The following BLMH variants were observed in gnomAD, a reference collection of about 807,000 sequenced individuals.
BLMH encodes BLM hydrolase.
BLMH carries 32 observed loss-of-function variants against 61.6 expected under a neutral mutation model. The ratio of observed to expected loss-of-function variants is 0.52; its 90% confidence interval spans 0.39 to 0.70. The LOEUF (loss-of-function observed/expected upper bound fraction) is 0.70. Among genes scored for constraint, BLMH ranks in the 30% least tolerant of loss-of-function variants. BLMH has a pLI of 0.00. For missense variants in BLMH, 460 were observed against 555.5 expected (o/e 0.83, Z 1.73); for synonymous variants, 183 against 193.8 (o/e 0.94, Z 0.46).
intron 10 of BLMH, 47 bp downstream of exon 10, chr17:30,271,224 T>G (rs1201355091): frequency 7.6e-7 from 1 of 1,317,368 alleles, no homozygotes; most frequent in Non-Finnish European, 1.1e-6. Context: ...CAGGAGAATG[T>G]AGATCCATCT....
At chr17:30,276,600 T>C (rs780649213) in intron 6 of BLMH, among the ~76,000 whole-genome samples, 2 of 152,230 alleles carry the variant, frequency 1.3e-5, no homozygotes, top group Non-Finnish European at 2.9e-5. Context: ...ACAGGAGAAT[T>C]TGAAAAGCAC....
intron 7 of BLMH, chr17:30,273,745 A>G (rs1908344049): frequency 2.5e-6 from 1 of 395,254 alleles, no homozygotes; most frequent in Non-Finnish European, 4.5e-6. Context: ...ACACACTTTC[A>G]TTGTTTTGCA....
intron 2 of BLMH, among the ~76,000 whole-genome samples, chr17:30,289,757 C>T (rs1908832218): frequency 6.6e-6 from 1 of 152,160 alleles, no homozygotes; most frequent in Non-Finnish European, 1.5e-5. Context: ...TTGTACTCTA[C>T]TTCAAAATAA....
intron 4 of BLMH, 50 bp from the exon 5 acceptor site, chr17:30,286,952 C>G (rs1908749627): frequency 8.0e-7 from 1 of 1,245,198 alleles, no homozygotes; most frequent in Non-Finnish European, 1.2e-6. Flanking sequence ...ATTAGAAACC[C>G]TGGCAAAAAT....
In BLMH at chr17:30,249,089, C is replaced by G. The variant is rs772711466; in HGVS notation, c.1296G>C (p.Glu432Asp). Residue 432 changes from glutamate (E) to aspartate (D), a missense_variant, in exon 12 of 12, where the codon GAG becomes GAC. By Grantham distance (45) the Glu-to-Asp change is conservative. Coordinates refer to ENST00000261714, the MANE Select transcript of BLMH (RefSeq NM_000386.4). ...GTTCCTGCTCTAACACAGCTAGCAC[C>G]TCTTCAGGGACATGCTTCCTGTCCA... The part of the protein sequence containing the change: ...VVVDRKHVPE[E>D]VLAVLEQEPI... 1.2e-6 allele frequency: 2 copies of G among 1,614,002 alleles called. No homozygotes were observed. The highest frequency in any genetic ancestry group is 2.7e-5 in the African/African-American group (2 of 74,904).
chr17:30,291,925 AC>A lies in BLMH; in HGVS notation c.-107del. ...CTAGGGGGCCCGACCTGTCTCTCGC[AC>A]CCGGAGCGCCGGAAAAAGGAAACCG... On this transcript the variant is annotated 5_prime_UTR_variant, in exon 1 of 12. Transcript: ENST00000261714. 1 of 1,203,378 alleles carries A rather than the reference AC, an allele frequency of 8.3e-7. No individual in the cohort carries two copies. The highest frequency in any genetic ancestry group is 1.1e-6 in the Non-Finnish European group (1 of 946,878). 74.5% of individuals were successfully genotyped at this position (1,203,378 alleles called of 1,614,324 possible).
chr17:30,274,192 G>C lies in BLMH; in HGVS notation c.651C>G (p.Phe217Leu). The stretch of plus-strand genomic sequence containing the variant: ...TACCCAAACAGATGCACACCACTCG[G>C]AATATCTGGAAGAGAGGAGGAGGAA... ...ATQDVMMEEI[F>L]RVVCICLGNP... Residue 217 changes from phenylalanine (F) to leucine (L), a missense_variant, in exon 7 of 12, where the codon TTC becomes TTG. By Grantham distance (22) the Phe-to-Leu change is conservative (BLOSUM62 0). This residue lies in a region of BLMH where 310 missense variants were observed against 371.1 expected (regional missense o/e 0.84). Coordinates refer to ENST00000261714, the MANE Select transcript of BLMH (RefSeq NM_000386.4). The C allele has an allele frequency of 6.2e-7, 1 of 1,613,792 alleles. No homozygotes were observed. Among genetic ancestry groups the C allele is most frequent in the South Asian group, 1.1e-5 (1 of 90,958 alleles).
intron 6 of BLMH, among the ~76,000 whole-genome samples, chr17:30,282,731 T>C (rs899835673): frequency 2.0e-5 from 3 of 152,244 alleles, no homozygotes; most frequent in Admixed American, 1.3e-4. Context: ...GATTAAGCCA[T>C]CATTTTGACT....
intron 10 of BLMH, among the ~76,000 whole-genome samples, chr17:30,268,815 T>C (rs992909318): frequency 2.7e-5 from 4 of 150,792 alleles, no homozygotes; most frequent in East Asian, 2.0e-4. Context: ...AGCAGGTGGA[T>C]TGCTTGAGGT....
chr17:30,286,776 A>C, intron 5 of BLMH, 38 bp downstream of exon 5: 2 of 1,444,268 alleles, frequency 1.4e-6, no homozygotes, highest in Non-Finnish European at 1.9e-6. Context: ...GAAGGAAAGT[A>C]CACTAAACTC....
chr17:30,249,986 A>G (rs1312476996), intron 11 of BLMH: 1 of 152,210 alleles, frequency 6.6e-6, no homozygotes, highest in Non-Finnish European at 1.5e-5. Flanking sequence ...GTTGCCTTCC[A>G]TAAGGAGGAT....
intron 11 of BLMH, among the ~76,000 whole-genome samples, chr17:30,256,787 A>G (rs180751680): frequency 3.3e-5 from 5 of 152,326 alleles, no homozygotes; most frequent in Admixed American, 3.3e-4. Flanking sequence ...AAGACTCTCA[A>G]TGAAAAACTC....
At chr17:30,278,535 CTT>C (rs1199373262) in intron 6 of BLMH, among the ~76,000 whole-genome samples, 2 of 152,118 alleles carry the variant, frequency 1.3e-5, no homozygotes, top group South Asian at 2.1e-4. Flanking sequence ...TTCTTATACA[CTT>C]TGTCTTTCCC....
chr17:30,275,318 C>T (rs1016192713), intron 6 of BLMH, among the ~76,000 whole-genome samples: 2 of 152,140 alleles, frequency 1.3e-5, no homozygotes, highest in Admixed American at 1.3e-4. Flanking sequence ...TTCAAGTTAA[C>T]ATCATTACGA....
At chr17:30,283,109 C>T (rs999128540) in intron 6 of BLMH, among the ~76,000 whole-genome samples, 14 of 152,160 alleles carry the variant, frequency 9.2e-5, no homozygotes, top group African/African-American at 3.1e-4. Flanking sequence ...TTACAGTAAG[C>T]TATGACTGCG....
chr17:30,281,197 C>A (rs2143029406), intron 6 of BLMH, among the ~76,000 whole-genome samples: 1 of 151,108 alleles, frequency 6.6e-6, no homozygotes, highest in East Asian at 2.0e-4. Flanking sequence ...AAAAGGTACA[C>A]TCTAAAAGTA....
intron 11 of BLMH, among the ~76,000 whole-genome samples, chr17:30,265,858 C>A (rs546092358): frequency 1.3e-5 from 2 of 152,086 alleles, no homozygotes; most frequent in Non-Finnish European, 2.9e-5. Context: ...AAATCTCTTT[C>A]AAAAGCTATT....
intron 10 of BLMH, among the ~76,000 whole-genome samples, chr17:30,267,705 T>C (rs757899377): frequency 1.3e-5 from 2 of 152,234 alleles, no homozygotes; most frequent in Non-Finnish European, 2.9e-5. Flanking sequence ...GCCTTTACTA[T>C]AGTGACACAG....
In BLMH at chr17:30,291,291, G is replaced by A. The variant is rs781373839; in HGVS notation, c.211+20C>T. On this transcript the variant is annotated intron_variant, in intron 2 of 11. Transcript: ENST00000261714. ...TGTCAGGAAGGTCAAGGAACGTATG[G>A]GAGAAGTGGAAGCCCACACCTGAGC... 7 of 1,602,422 alleles carry A rather than the reference G, an allele frequency of 4.4e-6. No homozygotes were observed. In the Admixed American group the frequency reaches 5.0e-5, roughly 11 times the overall value.
Sources: gnomAD v4.1 joint callset for allele counts (sites outside exome capture counted in the v4.1 genomes callset) on GRCh38, gnomAD v4.1.1 for gene constraint, gnomAD v4.1.1 regional missense constraint, MANE v1.5 for transcripts, NCBI Gene and HGNC (gene_info 2026-07-23, HGNC 2026-07-21) for gene names.